The following ANO3 variants were observed in gnomAD, a reference collection of about 807,000 sequenced individuals.
ANO3 encodes anoctamin 3, also known as anoctamin-3.
In ANO3, 99 loss-of-function variants were observed where a neutral mutation model predicts 144.8. The ratio of observed to expected loss-of-function variants is 0.68; its 90% CI spans 0.58 to 0.81. ANO3 has a LOEUF of 0.81. Among genes scored for constraint, ANO3 ranks in the 30% least tolerant of loss-of-function variants. ANO3 has a pLI of 0.00. For missense variants in ANO3, 905 were observed against 1,202.2 expected, an observed-to-expected ratio of 0.75 and a Z score of 3.66; for synonymous variants, 414 against 392.6, an observed-to-expected ratio of 1.05 and a Z score of -0.64.
intron 1 of ANO3, among the ~76,000 whole-genome samples, chr11:26,319,529 C>T (rs757736254): frequency 3.3e-5 from 5 of 152,100 alleles, no homozygotes; most frequent in African/African-American, 7.2e-5. Context: ...CCTTGACATA[C>T]GGGTCATCAC....
At chr11:26,238,365 A>C (rs10834931) in intron 1 of ANO3, among the ~76,000 whole-genome samples, 2,556 of 152,218 alleles carry the variant, frequency 0.017, 61 homozygotes, top group East Asian at 0.13. Flanking sequence ...TTATTTTGAA[A>C]TATGTTCAAA....
chr11:26,357,444 G>A (rs1855810832), intron 1 of ANO3, among the ~76,000 whole-genome samples: 1 of 151,794 alleles, frequency 6.6e-6, no homozygotes, highest in Non-Finnish European at 1.5e-5. Flanking sequence ...GTTTTTATTT[G>A]AATTTTCCTA....
At chr11:26,321,526 AT>A (rs1227406498) in intron 1 of ANO3, among the ~76,000 whole-genome samples, 1 of 151,980 alleles carries the variant, frequency 6.6e-6, no homozygotes, top group African/African-American at 2.4e-5. Flanking sequence ...TTTTGACTAG[AT>A]TTTTTTCTAA....
chr11:26,485,224 G>C (rs972221210), intron 4 of ANO3, among the ~76,000 whole-genome samples: 1 of 152,156 alleles, frequency 6.6e-6, no homozygotes, highest in Non-Finnish European at 1.5e-5. Context: ...TATGGTTTGC[G>C]TGTGTGTCTC....
At chr11:26,589,836 T>A (rs577962968) in intron 14 of ANO3, among the ~76,000 whole-genome samples, 1 of 152,348 alleles carries the variant, frequency 6.6e-6, no homozygotes, top group Admixed American at 6.5e-5. Context: ...ATACTTCATT[T>A]CTTTCTATTG....
intron 7 of ANO3, among the ~76,000 whole-genome samples, chr11:26,528,530 G>A (rs1395159213): frequency 6.6e-6 from 1 of 152,096 alleles, no homozygotes; most frequent in East Asian, 1.9e-4. Context: ...TGTAGTCAGA[G>A]CAACTAGAGC....
rs570323664 is a variant in ANO3, at chr11:26,309,803, G to C, written c.-3+84G>C. On this transcript the variant is annotated intron_variant, in intron 1 of 26. Transcript: ENST00000525139. ...TGGTAGCAACTCCAGAGTCTTTACA[G>C]GGGGGGTGAAAATTTAACGCAAATT... The C allele has an allele frequency of 2.4e-4, 114 of 468,850 alleles. 1 individual carries two copies. The African/African-American group carries it at 6.1e-3, about 25-fold the overall frequency. The allele number at this position is 468,850 out of a possible 1,614,324, so 29.0% of individuals were successfully genotyped here.
chr11:26,631,057 T>G (rs949693961), intron 18 of ANO3, among the ~76,000 whole-genome samples: 13 of 151,946 alleles, frequency 8.6e-5, no homozygotes, highest in Non-Finnish European at 1.8e-4. Flanking sequence ...TGAAAAGTCC[T>G]ATTTATGTAG....
intron 1 of ANO3, among the ~76,000 whole-genome samples, chr11:26,423,362 C>G (rs1477811000): frequency 1.4e-5 from 2 of 138,618 alleles, no homozygotes; most frequent in Non-Finnish European, 3.1e-5. Context: ...TGTGAATAAG[C>G]ACTATTTTAC....
At chr11:26,335,725 A>G (rs1371197492) in intron 1 of ANO3, among the ~76,000 whole-genome samples, 1 of 152,158 alleles carries the variant, frequency 6.6e-6, no homozygotes, top group African/African-American at 2.4e-5. Flanking sequence ...TTTGTTGCTG[A>G]ATCTGTTGCT....
chr11:26,358,321 G>A (rs558337211), intron 1 of ANO3, among the ~76,000 whole-genome samples: 1 of 151,950 alleles, frequency 6.6e-6, no homozygotes, highest in Non-Finnish European at 1.5e-5. Flanking sequence ...AAAGGCACAC[G>A]CCACCACGCA....
chr11:26,405,462 C>A (rs1273638310), intron 1 of ANO3, among the ~76,000 whole-genome samples: 1 of 151,764 alleles, frequency 6.6e-6, no homozygotes, highest in Admixed American at 6.6e-5. Context: ...AACCCAGTAG[C>A]AGGATATGAC....
intron 1 of ANO3, among the ~76,000 whole-genome samples, chr11:26,317,819 T>C (rs1376791220): frequency 2.0e-5 from 3 of 152,222 alleles, no homozygotes; most frequent in African/African-American, 7.2e-5. Context: ...GTATGTTTAT[T>C]GCAGCACTGT....
At chr11:26,438,909 G>C (rs889415292) in intron 1 of ANO3, among the ~76,000 whole-genome samples, 2 of 152,100 alleles carry the variant, frequency 1.3e-5, no homozygotes, top group African/African-American at 4.8e-5. Context: ...CAAAAGTAAA[G>C]AACTCAGATT....
chr11:26,251,472 G>T (rs781012412), intron 1 of ANO3, among the ~76,000 whole-genome samples: 15 of 152,162 alleles, frequency 9.9e-5, no homozygotes, highest in Admixed American at 3.9e-4. Context: ...ATCAAAATTA[G>T]TAACTCACTG....
At chr11:26,605,645 C>G (rs1851914587) in intron 17 of ANO3, among the ~76,000 whole-genome samples, 1 of 152,098 alleles carries the variant, frequency 6.6e-6, no homozygotes, top group Non-Finnish European at 1.5e-5. Context: ...TCGACTTCTT[C>G]CTGGTTTAGT....
intron 1 of ANO3, among the ~76,000 whole-genome samples, chr11:26,318,538 C>T (rs1183965339): frequency 6.6e-6 from 1 of 152,160 alleles, no homozygotes; most frequent in African/African-American, 2.4e-5. Flanking sequence ...GGTAGGGAGA[C>T]ACGACTGACA....
rs561168836 is a variant in ANO3 at position 26,660,191 on chromosome 11, A to G, written c.2764-71A>G. 2.9e-6 allele frequency: 4 copies of G among 1,383,600 alleles called. No homozygotes were observed. In the African/African-American group the frequency reaches 5.7e-5, roughly 20 times the overall value. The allele number at this position is 1,383,600 out of a possible 1,614,324, so 85.7% of individuals were successfully genotyped here. Reference sequence around the variant, plus strand: ...ATTCAAGGCAAATGCAACATTGTTCATTGTTGTACTGTTTTATAATTAGCA... The same window carrying G: ...ATTCAAGGCAAATGCAACATTGTTCGTTGTTGTACTGTTTTATAATTAGCA... On this transcript the variant is annotated intron_variant, in intron 26 of 26. Transcript: ENST00000256737.
At chr11:26,232,818 A>G (rs571046737) in intron 1 of ANO3, among the ~76,000 whole-genome samples, 22 of 152,356 alleles carry the variant, frequency 1.4e-4, no homozygotes, top group African/African-American at 5.1e-4. Flanking sequence ...TGCACAGCAA[A>G]AGAAACTATC....
Sources: allele counts gnomAD v4.1 joint callset (sites outside exome capture counted in the v4.1 genomes callset), GRCh38; gene constraint gnomAD v4.1.1; transcripts MANE v1.5; gene names NCBI Gene and HGNC (gene_info 2026-07-23, HGNC 2026-07-21).